The following SHISA9 variants were observed in gnomAD, a reference collection of about 807,000 sequenced individuals.
SHISA9 encodes the protein shisa family member 9.
SHISA9 carries 13 observed loss-of-function variants against 38.0 expected under a neutral mutation model. That is an observed-to-expected ratio of 0.34 (90% CI 0.22 to 0.54). SHISA9 has a LOEUF of 0.54. SHISA9 is among the 20% of genes least tolerant of loss of function. SHISA9 has a pLI of 0.91. For synonymous variants in SHISA9, 275 were observed against 242.0 expected, an observed-to-expected ratio of 1.14 and a Z score of -1.27; for missense variants, 538 against 575.8, an observed-to-expected ratio of 0.93 and a Z score of 0.67.
chr16:13,165,645 G>T (rs909613662), intron 2 of SHISA9, among the ~76,000 whole-genome samples: 8 of 152,182 alleles, frequency 5.3e-5, no homozygotes, highest in Non-Finnish European at 1.0e-4. Flanking sequence ...AAGGTACTTT[G>T]TAATGTCTTT....
the SHISA9 span, among the ~76,000 whole-genome samples, chr16:13,245,527 T>C: frequency 6.6e-6 from 1 of 152,220 alleles, no homozygotes. Flanking sequence ...CTAGTAAACA[T>C]TTCAGCATTA....
intron 2 of SHISA9, among the ~76,000 whole-genome samples, chr16:13,094,387 TA>T (rs2141951186): frequency 6.6e-6 from 1 of 152,300 alleles, no homozygotes; most frequent in East Asian, 1.9e-4. Flanking sequence ...ATTTTTGAGT[TA>T]AATGTTGCGG....
chr16:13,156,996 C>T (rs2050553330), intron 2 of SHISA9, among the ~76,000 whole-genome samples: 1 of 152,124 alleles, frequency 6.6e-6, no homozygotes, highest in Non-Finnish European at 1.5e-5. Context: ...CTTTGGAAAC[C>T]TGGCTGAGGG....
intron 2 of SHISA9, among the ~76,000 whole-genome samples, chr16:13,180,417 A>G (rs2050767150): frequency 6.6e-6 from 1 of 152,180 alleles, no homozygotes; most frequent in African/African-American, 2.4e-5. Flanking sequence ...TAAACTGATC[A>G]GCCAGGCACC....
At chr16:13,441,417 C>A in the SHISA9 span, among the ~76,000 whole-genome samples, 46 of 152,248 alleles carry the variant, frequency 3.0e-4, no homozygotes, top group African/African-American at 1.1e-3. Flanking sequence ...ATCTAAGAAT[C>A]TGTGTTTGGA....
intron 2 of SHISA9, among the ~76,000 whole-genome samples, chr16:13,138,133 G>A (rs2141993348): frequency 6.6e-6 from 1 of 152,274 alleles, no homozygotes; most frequent in East Asian, 1.9e-4. Flanking sequence ...TATATTTTGA[G>A]TGGCTGTGCT....
chr16:13,094,085 C>T (rs2073802216), intron 2 of SHISA9, among the ~76,000 whole-genome samples: 1 of 152,220 alleles, frequency 6.6e-6, no homozygotes, highest in African/African-American at 2.4e-5. Context: ...CTTTTCCATT[C>T]TCTCTTTGTC....
chr16:13,025,892 A>G (rs1457213862), intron 2 of SHISA9, among the ~76,000 whole-genome samples: 2 of 151,626 alleles, frequency 1.3e-5, no homozygotes, highest in Non-Finnish European at 2.9e-5. Context: ...TGCAACCTCC[A>G]CCTCCCAGGT....
At chr16:13,203,659 CTCT>C (rs1288907314) in intron 3 of SHISA9, 110 bp downstream of exon 3, 2 of 1,151,976 alleles carry the variant, frequency 1.7e-6, no homozygotes, top group South Asian at 2.1e-5. Context: ...TTTTCTAGCT[CTCT>C]TTTTTTCTCT....
chr16:13,275,821 C>G, the SHISA9 span, among the ~76,000 whole-genome samples: 1 of 151,806 alleles, frequency 6.6e-6, no homozygotes, highest in Non-Finnish European at 1.5e-5. Flanking sequence ...CCTCTCTTTC[C>G]TTCCTGATTC....
At chr16:13,476,015 G>T in the SHISA9 span, among the ~76,000 whole-genome samples, 2 of 152,150 alleles carry the variant, frequency 1.3e-5, no homozygotes. Context: ...ACCTCCTGCT[G>T]TGTGGCCCAT....
chr16:13,129,078 T>G (rs763888648), intron 2 of SHISA9, among the ~76,000 whole-genome samples: 2 of 152,242 alleles, frequency 1.3e-5, no homozygotes, highest in Non-Finnish European at 2.9e-5. Context: ...AAATGTTATC[T>G]GAGCATCTTC....
At chr16:13,294,387 G>A in the SHISA9 span, among the ~76,000 whole-genome samples, 1 of 152,170 alleles carries the variant, frequency 6.6e-6, no homozygotes, top group Non-Finnish European at 1.5e-5. Context: ...AAGAAGCCCT[G>A]CTTCGTGTAT....
intron 2 of SHISA9, among the ~76,000 whole-genome samples, chr16:12,920,981 C>G (rs1308981462): frequency 6.6e-6 from 1 of 152,174 alleles, no homozygotes; most frequent in Non-Finnish European, 1.5e-5. Context: ...AAAGACTTTA[C>G]TGCCACAGTG....
At chr16:13,328,697 C>A in the SHISA9 span, among the ~76,000 whole-genome samples, 2 of 151,862 alleles carry the variant, frequency 1.3e-5, no homozygotes, top group Non-Finnish European at 2.9e-5. Flanking sequence ...GGTCTTGTAC[C>A]CCTGACCTCG....
the SHISA9 span, among the ~76,000 whole-genome samples, chr16:13,357,579 T>C: frequency 1.3e-5 from 2 of 152,170 alleles, no homozygotes; most frequent in Admixed American, 1.3e-4. Flanking sequence ...CCAAATTTCA[T>C]GCGCGTCCGT....
At chr16:13,399,994 G>T in the SHISA9 span, among the ~76,000 whole-genome samples, 1 of 152,174 alleles carries the variant, frequency 6.6e-6, no homozygotes. Context: ...GCTTTCAAGC[G>T]TATCAGGTGC....
At chr16:12,976,248 C>A (rs1330374287) in intron 2 of SHISA9, among the ~76,000 whole-genome samples, 1 of 152,038 alleles carries the variant, frequency 6.6e-6, no homozygotes, top group Non-Finnish European at 1.5e-5. Flanking sequence ...CCACCACACT[C>A]AGCTAACTTT....
At chr16:12,918,845 T>G (rs1468534666) in intron 2 of SHISA9, among the ~76,000 whole-genome samples, 1 of 152,192 alleles carries the variant, frequency 6.6e-6, no homozygotes, top group African/African-American at 2.4e-5. Context: ...TTTTATATAA[T>G]CCTTCCAGGT....
Sources: gnomAD v4.1 joint callset for allele counts (sites outside exome capture counted in the v4.1 genomes callset) on GRCh38, gnomAD v4.1.1 for gene constraint, MANE v1.5 for transcripts, NCBI Gene and HGNC (gene_info 2026-07-23, HGNC 2026-07-21) for gene names.